KMT2E: variants seen among roughly 807,000 people sequenced by gnomAD.
KMT2E encodes histone reader KMT2E.
Under a neutral mutation model 184.6 loss-of-function variants are expected in KMT2E, and 30 were observed. The ratio of observed to expected loss-of-function variants is 0.16; its 90% confidence interval spans 0.12 to 0.22. KMT2E has a LOEUF of 0.22. Ranked by LOEUF, KMT2E falls within the 10% of genes least tolerant of loss-of-function variation. The pLI, the probability that KMT2E is intolerant of heterozygous loss-of-function variation, is 1.00. For synonymous variants in KMT2E, 815 were observed against 776.5 expected (o/e 1.05, Z -0.82); for missense variants, 2,023 against 2,237.4 (o/e 0.90, Z 1.93).
chr7:105,063,755 A>G (rs1796915155), intron 5 of KMT2E, 175 bp downstream of exon 5: 1 of 569,008 alleles, frequency 1.8e-6, no homozygotes, highest in Non-Finnish European at 3.1e-6. Flanking sequence ...AGAGTTTACT[A>G]GAAATCCCTG....
rs1322725304 is a variant in KMT2E at position 105,113,228 on chromosome 7, T to G, written c.5472T>G (p.Val1824=). 1.2e-6 allele frequency: 2 copies of G among 1,614,084 alleles called. No individual in the cohort carries two copies. Among genetic ancestry groups the G allele is most frequent in the African/African-American group, 2.7e-5 (2 of 74,938 alleles). Reference sequence around the variant, plus strand: ...GCTCTGTGGCCCTGCCACATGGGGTTCAAGGACCTCAGCAGGCATCTCCAG... The same window carrying G: ...GCTCTGTGGCCCTGCCACATGGGGTGCAAGGACCTCAGCAGGCATCTCCAG... ...HPGSVALPHG[V]QGPQQASPVP... The change falls in exon 27 of 27, where the codon GTT becomes GTG. Residue 1824 remains valine (V), a synonymous_variant. Coordinates refer to ENST00000311117, the MANE Select transcript of KMT2E (RefSeq NM_182931.3).
intron 3 of KMT2E, among the ~76,000 whole-genome samples, chr7:105,044,741 G>T (rs1247444665): frequency 6.6e-6 from 1 of 152,182 alleles, no homozygotes; most frequent in Non-Finnish European, 1.5e-5. Flanking sequence ...GTAGTTTTGT[G>T]ACAGTGTTGT....
intron 2 of KMT2E, among the ~76,000 whole-genome samples, chr7:105,040,440 A>G (rs1795829742): frequency 6.6e-6 from 1 of 152,220 alleles, no homozygotes; most frequent in South Asian, 2.1e-4. Context: ...TAGACCATCC[A>G]TGTAAAAAGC....
intron 15 of KMT2E, among the ~76,000 whole-genome samples, chr7:105,095,960 A>G (rs181198220): frequency 1.3e-5 from 2 of 152,304 alleles, no homozygotes; most frequent in African/African-American, 4.8e-5. Context: ...TTTAAATACT[A>G]AAAGAGACTT....
intron 19 of KMT2E, 73 bp from the exon 20 acceptor site, chr7:105,106,449 C>G: frequency 7.4e-7 from 1 of 1,352,622 alleles, no homozygotes; most frequent in Non-Finnish European, 1.0e-6. Context: ...TTATCTTTCC[C>G]AGAATGTGAC....
At chr7:105,023,402 C>CAAAA (rs1158885663) in intron 1 of KMT2E, among the ~76,000 whole-genome samples, 1,798 of 55,850 alleles carry the variant, frequency 0.032, 154 homozygotes, top group African/African-American at 0.11. Flanking sequence ...GACTCTGTCT[C>CAAAA]AAAAAAAAAA....
chr7:105,024,421 C>T (rs1795087993), intron 1 of KMT2E, among the ~76,000 whole-genome samples: 1 of 152,086 alleles, frequency 6.6e-6, no homozygotes, highest in African/African-American at 2.4e-5. Context: ...GGCCAGAACT[C>T]CCATCCTGGA....
In KMT2E at chr7:105,113,532, T is replaced by C. The variant is rs562506993; in HGVS notation, c.*199T>C. ...CTGTTAAGCCAGTATTAGGTATCTT[T>C]ATTTTGTAAGTGAACATTCCAGCTG... On this transcript the variant is annotated 3_prime_UTR_variant, in exon 27 of 27. Transcript: ENST00000311117. 2.0e-4 allele frequency: 109 copies of C among 548,058 alleles called. No individual in the cohort carries two copies. In the South Asian group the frequency reaches 3.5e-3, roughly 18 times the overall value. 33.9% of individuals were successfully genotyped at this position (548,058 alleles called of 1,614,324 possible). A position where few individuals can be genotyped will look rare whatever the true frequency, so the allele number is the denominator to read the frequency against.
In KMT2E at chr7:105,074,711, A is replaced by G. The variant is rs758796812; in HGVS notation, c.625A>G (p.Thr209Ala). The change falls in exon 8 of 27, where the codon ACT becomes GCT. Residue 209 changes from threonine (T) to alanine (A), a missense_variant. Coordinates refer to ENST00000311117, the MANE Select transcript of KMT2E (RefSeq NM_182931.3). ...GGAATTATATACTGCATTTCAGCAT[A>G]CTCCAACATCAATTACTTTAACTGC... ...PVELYTAFQH[T>A]PTSITLTASR... The G allele has an allele frequency of 6.2e-7, 1 of 1,610,132 alleles. No individual in the cohort carries two copies. Among genetic ancestry groups the G allele is most frequent in the South Asian group, 1.1e-5 (1 of 90,264 alleles).
intron 2 of KMT2E, among the ~76,000 whole-genome samples, chr7:105,040,115 A>T (rs1795816854): frequency 6.6e-6 from 1 of 152,164 alleles, no homozygotes; most frequent in Non-Finnish European, 1.5e-5. Flanking sequence ...ACCTAGATTT[A>T]CCTGTTATAG....
At chr7:105,062,766 A>G (rs1285115409) in intron 4 of KMT2E, among the ~76,000 whole-genome samples, 1 of 151,916 alleles carries the variant, frequency 6.6e-6, no homozygotes, top group Non-Finnish European at 1.5e-5. Context: ...ATAAAAGCCT[A>G]TCTAACTTAT....
chr7:105,052,499 A>G (rs1400218942), intron 3 of KMT2E, among the ~76,000 whole-genome samples: 3 of 152,178 alleles, frequency 2.0e-5, no homozygotes, highest in Admixed American at 6.5e-5. Context: ...AGGGTTTGGC[A>G]TATAGTAAGC....
chr7:105,099,683 C>A (rs1176595193), intron 15 of KMT2E, among the ~76,000 whole-genome samples: 1 of 152,160 alleles, frequency 6.6e-6, no homozygotes, highest in Non-Finnish European at 1.5e-5. Flanking sequence ...GGGTGCCCAC[C>A]TGTGGGTAGT....
At chr7:105,067,179 T>G (rs1797066622) in intron 6 of KMT2E, among the ~76,000 whole-genome samples, 1 of 151,990 alleles carries the variant, frequency 6.6e-6, no homozygotes, top group Non-Finnish European at 1.5e-5. Context: ...ATTATTTTTG[T>G]ATTCTGACAA....
At chr7:105,043,275 C>A (rs1267828126) in intron 3 of KMT2E, among the ~76,000 whole-genome samples, 1 of 142,584 alleles carries the variant, frequency 7.0e-6, no homozygotes, top group Non-Finnish European at 1.5e-5. Flanking sequence ...CTTGCTCTGT[C>A]GCCCAGGCTG....
chr7:105,086,950 C>T (rs1797996285), intron 13 of KMT2E, among the ~76,000 whole-genome samples: 2 of 144,338 alleles, frequency 1.4e-5, no homozygotes, highest in South Asian at 4.2e-4. Flanking sequence ...ATATAGTATG[C>T]TATATGTAAT....
In KMT2E at chr7:105,077,359, T is replaced by C; in HGVS notation, c.1056T>C (p.Asp352=). 1 of 1,610,784 alleles carries C rather than the reference T, an allele frequency of 6.2e-7. No individual in the cohort carries two copies. The highest frequency in any genetic ancestry group is 8.5e-7 in the Non-Finnish European group (1 of 1,177,314). ...AATCTGCAAAAGATTTGCCTCCTGA[T>C]GCACTTATCATTGAATACAGAGGGA... is the stretch of plus-strand genomic sequence containing the variant. The part of the protein sequence containing the change: ...ILKSAKDLPP[D]ALIIEYRGKF... The change falls in exon 11 of 27, where the codon GAT becomes GAC. Residue 352 remains aspartate (D), a synonymous_variant. Coordinates refer to ENST00000311117, the MANE Select transcript of KMT2E (RefSeq NM_182931.3).
chr7:105,067,385 G>A (rs1797075857), intron 6 of KMT2E, among the ~76,000 whole-genome samples: 1 of 151,688 alleles, frequency 6.6e-6, no homozygotes, highest in African/African-American at 2.4e-5. Flanking sequence ...CTTCTTGTTT[G>A]TAATTTTTTT....
chr7:105,049,309 T>G (rs965360582), intron 3 of KMT2E, among the ~76,000 whole-genome samples: 7 of 151,944 alleles, frequency 4.6e-5, no homozygotes, highest in African/African-American at 1.7e-4. Flanking sequence ...TAGCCAAGTG[T>G]GGTTGCTTGT....
Sources: gnomAD v4.1 joint callset for allele counts (sites outside exome capture counted in the v4.1 genomes callset) on GRCh38, gnomAD v4.1.1 for gene constraint, MANE v1.5 for transcripts, NCBI Gene and HGNC (gene_info 2026-07-23, HGNC 2026-07-21) for gene names.